ACAD11: variants seen among roughly 807,000 people sequenced by gnomAD.
The protein encoded by ACAD11 is acyl-Coenzyme A dehydrogenase family, member 11.
Under a neutral mutation model 102.2 loss-of-function variants are expected in ACAD11, and 83 were observed. The ratio of observed to expected loss-of-function variants is 0.81; its 90% CI spans 0.68 to 0.97. The LOEUF is 0.97. Ranked by LOEUF, ACAD11 falls within the 50% of genes least tolerant of loss-of-function variation. ACAD11 has a pLI of 0.00. For missense variants in ACAD11, 901 were observed against 951.7 expected, an observed-to-expected ratio of 0.95 and a Z score of 0.70; for synonymous variants, 324 against 319.8, an observed-to-expected ratio of 1.01 and a Z score of -0.14.
At chr3:132,559,123 T>C (rs745785007) in intron 19 of ACAD11, 38 bp from the exon 20 acceptor site, 11 of 1,402,180 alleles carry the variant, frequency 7.8e-6, no homozygotes, top group Admixed American at 6.8e-5. Context: ...CAGGGAGTTA[T>C]GGAAGAGGAA....
intron 11 of ACAD11, among the ~76,000 whole-genome samples, chr3:132,614,013 T>C (rs980056494): frequency 2.6e-5 from 4 of 152,048 alleles, no homozygotes; most frequent in Non-Finnish European, 5.9e-5. Flanking sequence ...ATCACAAGCA[T>C]TCCTATACAC....
intron 1 of ACAD11, among the ~76,000 whole-genome samples, chr3:132,653,363 C>G (rs1937621267): frequency 6.6e-6 from 1 of 152,188 alleles, no homozygotes; most frequent in African/African-American, 2.4e-5. Context: ...ACTGTATCTA[C>G]TGCATACAAT....
rs1936961415 is a variant in ACAD11, at chr3:132,558,872, G to A, written c.*99C>T. 3 of 834,654 alleles carry A rather than the reference G, an allele frequency of 3.6e-6. No individual in the cohort carries two copies. The highest frequency in any genetic ancestry group is 5.8e-6 in the Non-Finnish European group (3 of 516,324). 51.7% of individuals were successfully genotyped at this position (834,654 alleles called of 1,614,324 possible). On this transcript the variant is annotated 3_prime_UTR_variant, in exon 20 of 20. Coordinates refer to ENST00000264990, the MANE Select transcript of ACAD11 (RefSeq NM_032169.5). ...ACCACAAATGAATAATTAACCCTGT[G>A]CTCAAACTGCTACAAAAATATGAGA... is the stretch of plus-strand genomic sequence containing the variant.
At chr3:132,561,075 G>T in intron 18 of ACAD11, 26 bp downstream of exon 18, 2 of 1,558,558 alleles carry the variant, frequency 1.3e-6, no homozygotes, top group South Asian at 1.1e-5. Flanking sequence ...AGCAGTTGGT[G>T]GTCTGAGGGG....
intron 17 of ACAD11, among the ~76,000 whole-genome samples, chr3:132,563,463 A>G (rs1317465644): frequency 2.6e-5 from 4 of 152,116 alleles, no homozygotes; most frequent in African/African-American, 9.7e-5. Flanking sequence ...TTGATTTATT[A>G]TATCACTTTT....
At chr3:132,576,749 C>A (rs927272778) in intron 16 of ACAD11, among the ~76,000 whole-genome samples, 195 bp downstream of exon 16, 1 of 152,174 alleles carries the variant, frequency 6.6e-6, no homozygotes, top group African/African-American at 2.4e-5. Flanking sequence ...AAAGTAATTG[C>A]GGCTTTTGCC....
At chr3:132,629,119 C>G (rs890941200) in intron 7 of ACAD11, among the ~76,000 whole-genome samples, 1 of 152,054 alleles carries the variant, frequency 6.6e-6, no homozygotes, top group Non-Finnish European at 1.5e-5. Context: ...TGTTTATGAC[C>G]ATCTCCAAAG....
intron 11 of ACAD11, among the ~76,000 whole-genome samples, chr3:132,612,348 T>C (rs927344764): frequency 6.6e-6 from 1 of 151,936 alleles, no homozygotes; most frequent in Non-Finnish European, 1.5e-5. Flanking sequence ...TCAAAAGCAA[T>C]GGCAACAAAA....
chr3:132,647,079 TG>T (rs1192048693), intron 1 of ACAD11: 1 of 152,222 alleles, frequency 6.6e-6, no homozygotes, highest in Non-Finnish European at 1.5e-5. Flanking sequence ...AATTTTTAAA[TG>T]TTACGTTACA....
intron 9 of ACAD11, among the ~76,000 whole-genome samples, chr3:132,626,130 C>T (rs1939797625): frequency 6.6e-6 from 1 of 152,144 alleles, no homozygotes; most frequent in African/African-American, 2.4e-5. Flanking sequence ...GTCTTATTAT[C>T]TATTTACATT....
intron 1 of ACAD11, chr3:132,646,425 T>C (rs562465990): frequency 1.3e-5 from 2 of 152,246 alleles, no homozygotes; most frequent in South Asian, 4.1e-4. Flanking sequence ...ACACATTTTT[T>C]AAAAAATGCC....
At chr3:132,642,897 A>G in intron 2 of ACAD11, 95 bp from the exon 3 acceptor site, 1 of 1,304,600 alleles carries the variant, frequency 7.7e-7, no homozygotes, top group Non-Finnish European at 1.1e-6. Context: ...AGGCTAGAAA[A>G]CAACTGTAAA....
At chr3:132,630,018 C>A (rs183337574) in intron 7 of ACAD11, among the ~76,000 whole-genome samples, 64 of 152,126 alleles carry the variant, frequency 4.2e-4, no homozygotes, top group African/African-American at 1.5e-3. Context: ...ATACTAGATA[C>A]TGTGCTAGCC....
chr3:132,591,648 G>A (rs1938082564), intron 13 of ACAD11, among the ~76,000 whole-genome samples: 1 of 152,080 alleles, frequency 6.6e-6, no homozygotes, highest in Admixed American at 6.5e-5. Flanking sequence ...CCAGAATTTT[G>A]GGAGGCTGAA....
chr3:132,633,256 C>A (rs1259478838), intron 5 of ACAD11, among the ~76,000 whole-genome samples: 5 of 152,102 alleles, frequency 3.3e-5, no homozygotes, highest in African/African-American at 4.8e-5. Context: ...CCATCGATAC[C>A]TAATTTATTG....
At chr3:132,580,340 G>A (rs1937580231) in intron 13 of ACAD11, among the ~76,000 whole-genome samples, 3 of 151,986 alleles carry the variant, frequency 2.0e-5, no homozygotes, top group Admixed American at 1.3e-4. Context: ...TAAACTCCAT[G>A]GAACATATTA....
At chr3:132,655,061 G>A (rs971549580) in intron 1 of ACAD11, among the ~76,000 whole-genome samples, 3 of 152,168 alleles carry the variant, frequency 2.0e-5, no homozygotes, top group African/African-American at 7.2e-5. Flanking sequence ...AAAAGGTACA[G>A]TAAAAACACA....
chr3:132,582,140 T>TA (rs1368692851), intron 13 of ACAD11, among the ~76,000 whole-genome samples: 3 of 150,834 alleles, frequency 2.0e-5, no homozygotes, highest in Admixed American at 6.6e-5. Flanking sequence ...GTTTAAAAAA[T>TA]AAAAAAACAA....
In ACAD11 at chr3:132,619,511, G is replaced by A; in HGVS notation, c.1232C>T (p.Ser411Leu). The A allele has an allele frequency of 4.4e-6, 7 of 1,592,080 alleles. No homozygotes were observed. The highest frequency in any genetic ancestry group is 6.0e-6 in the Non-Finnish European group (7 of 1,171,370). The change falls in exon 10 of 20, where the codon TCA becomes TTA. Residue 411 changes from serine to leucine, a missense_variant. Physicochemically the swap from Ser to Leu is moderately radical, Grantham distance 145. Coordinates refer to ENST00000264990, the MANE Select transcript of ACAD11 (RefSeq NM_032169.5). Reference protein sequence around the residue: ...VTEFYVQNENSVDKWGKPLVI... With the variant: ...VTEFYVQNENLVDKWGKPLVI... The stretch of plus-strand genomic sequence containing the variant: ...TAAAGGTTTTCCCCACTTGTCCACT[G>A]AATTTTCATTTTGAACATAGAACTC...
Sources: gnomAD v4.1 joint callset for allele counts (sites outside exome capture counted in the v4.1 genomes callset) on GRCh38, gnomAD v4.1.1 for gene constraint, MANE v1.5 for transcripts, NCBI Gene and HGNC (gene_info 2026-07-23, HGNC 2026-07-21) for gene names.